Variants in COPS7B observed in about 807,000 individuals in gnomAD.
The protein encoded by COPS7B is COP9 signalosome complex subunit 7b.
In COPS7B, 9 loss-of-function variants were observed where a neutral mutation model predicts 33.4. That is an observed-to-expected ratio of 0.27 (90% CI 0.16 to 0.47). The LOEUF is 0.47. Ranked by LOEUF, COPS7B falls within the 20% of genes least tolerant of loss-of-function variation. The pLI is 0.99. For missense variants in COPS7B, 242 were observed against 318.2 expected, an observed-to-expected ratio of 0.76 and a Z score of 1.82; for synonymous variants, 119 against 126.3, an observed-to-expected ratio of 0.94 and a Z score of 0.39.
intron 3 of COPS7B, chr2:231,793,944 G>A (rs2049492343): frequency 3.3e-6 from 1 of 305,288 alleles, no homozygotes; most frequent in Non-Finnish European, 6.3e-6. Flanking sequence ...GCACACAACA[G>A]ATGCTCGATG....
intron 3 of COPS7B, chr2:231,792,134 C>A: frequency 2.0e-6 from 1 of 506,194 alleles, no homozygotes; most frequent in East Asian, 5.4e-5. Context: ...AATGTTTCAA[C>A]ATTTTAAATA....
At position 231,796,132 on chromosome 2, in the gene COPS7B, A is replaced by G. The variant is rs773422201; in HGVS notation, c.354A>G (p.Lys118=). The change falls in exon 5 of 7, where the codon AAA becomes AAG. Residue 118 remains lysine, a synonymous_variant. Coordinates refer to ENST00000350033, the MANE Select transcript of COPS7B (RefSeq NM_022730.4). Reference sequence around the variant, plus strand: ...GTATCCCCTACTCCGTGTTGCTGAAAGACCTGGAGATGCGGAATCTCCGGG... The same window carrying G: ...GTATCCCCTACTCCGTGTTGCTGAAGGACCTGGAGATGCGGAATCTCCGGG... ...MKCIPYSVLL[K]DLEMRNLREL... 5.0e-6 allele frequency: 8 copies of G among 1,614,070 alleles called. No homozygotes were observed. In the South Asian group the frequency reaches 8.8e-5, roughly 18 times the overall value.
rs1271986913 is a variant in COPS7B, at chr2:231,808,639, GA to G, written c.*996del. 1.7e-5 allele frequency: 7 copies of G among 400,662 alleles called. No individual in the cohort carries two copies. The highest frequency in any genetic ancestry group is 3.5e-5 in the Non-Finnish European group (7 of 198,746). The allele number at this position is 400,662 out of a possible 1,614,324, so 24.8% of individuals were successfully genotyped here. On this transcript the variant is annotated 3_prime_UTR_variant, in exon 7 of 7. Transcript: ENST00000350033. ...GAGAAAAAGACTTAACTAGACTTCT[GA>G]ACTTGAACAGTTTCAGGTTATATTT...
At chr2:231,785,225 C>CA (rs1268796301), upstream of COPS7B, among the ~76,000 whole-genome samples, 8 of 152,240 alleles carry the variant, frequency 5.3e-5, no homozygotes, top group African/African-American at 1.9e-4. Flanking sequence ...TCTAACAAGG[C>CA]AATTATTCAT....
chr2:231,798,731 T>G (rs532747339), intron 5 of COPS7B, 128 bp from the exon 6 acceptor site: 8 of 677,414 alleles, frequency 1.2e-5, no homozygotes, highest in Middle Eastern at 7.6e-4. Flanking sequence ...GCAAGAGATG[T>G]GGCAGAGGGA....
chr2:231,801,670 A>G (rs1011855510), intron 6 of COPS7B, among the ~76,000 whole-genome samples: 4 of 122,014 alleles, frequency 3.3e-5, no homozygotes, highest in African/African-American at 6.2e-5. Flanking sequence ...GTTTTGCTGT[A>G]TTATTCAGGC....
intron 3 of COPS7B, chr2:231,793,604 T>G (rs2049482992): frequency 6.6e-6 from 1 of 152,206 alleles, no homozygotes; most frequent in African/African-American, 2.4e-5. Context: ...CAACTCAAAC[T>G]CCATCTCTTC....
intron 6 of COPS7B, among the ~76,000 whole-genome samples, chr2:231,806,575 T>G (rs925563001): frequency 2.7e-5 from 4 of 146,326 alleles, no homozygotes; most frequent in Admixed American, 2.7e-4. Context: ...AAAAAAAGAC[T>G]AAAAAAGCTA....
chr2:231,806,186 T>C (rs1017400482), intron 6 of COPS7B, among the ~76,000 whole-genome samples: 2 of 152,178 alleles, frequency 1.3e-5, no homozygotes, highest in Non-Finnish European at 2.9e-5. Flanking sequence ...GCATTTGGAC[T>C]GTCTCTTACC....
rs373010520 is a variant in COPS7B at position 231,798,888 on chromosome 2, G to A, written c.560G>A (p.Gly187Asp). The A allele has an allele frequency of 1.9e-6, 3 of 1,614,030 alleles. No homozygotes were observed. Among genetic ancestry groups the A allele is most frequent in the African/African-American group, 2.7e-5 (2 of 74,922 alleles). ...GATGGCTGTGAAGCAGTTCTACTGG[G>A]CATCGAGCAGCAAGTTCTGAGAGCC... is the stretch of plus-strand genomic sequence containing the variant. ...WCDGCEAVLL[G>D]IEQQVLRANQ... The change falls in exon 6 of 7, where the codon GGC becomes GAC. Residue 187 changes from glycine to aspartate, a missense_variant. Gly to Asp is a moderately conservative substitution (Grantham distance 94). Transcript: ENST00000350033.
At chr2:231,804,899 C>T (rs1015261113) in intron 6 of COPS7B, among the ~76,000 whole-genome samples, 1 of 152,092 alleles carries the variant, frequency 6.6e-6, no homozygotes, top group African/African-American at 2.4e-5. Context: ...AAAGTCATGT[C>T]GTTACCTCTT....
intron 6 of COPS7B, among the ~76,000 whole-genome samples, chr2:231,800,134 C>T (rs1448221462): frequency 6.6e-6 from 1 of 152,104 alleles, no homozygotes; most frequent in Non-Finnish European, 1.5e-5. Flanking sequence ...ATCCGACTAG[C>T]CAAGGAAGTA....
upstream of COPS7B, chr2:231,781,743 A>C (rs1367427214): frequency 4.7e-6 from 6 of 1,280,824 alleles, no homozygotes; most frequent in Non-Finnish European, 6.6e-6. Context: ...GCAAATTCAC[A>C]AACCCGCCCG....
At chr2:231,785,197 A>T (rs549461838), upstream of COPS7B, among the ~76,000 whole-genome samples, 1 of 152,292 alleles carries the variant, frequency 6.6e-6, no homozygotes, top group South Asian at 2.1e-4. Flanking sequence ...CCACTCCTAT[A>T]GCACCTAGCA....
At chr2:231,791,869 C>A in intron 3 of COPS7B, 61 bp downstream of exon 3, 1 of 1,466,810 alleles carries the variant, frequency 6.8e-7, no homozygotes, top group South Asian at 1.1e-5. Context: ...TTTGGAAGAC[C>A]ATCAAGGTTT....
chr2:231,797,885 C>CT (rs2049618986), intron 5 of COPS7B, among the ~76,000 whole-genome samples: 1 of 152,104 alleles, frequency 6.6e-6, no homozygotes, highest in Non-Finnish European at 1.5e-5. Context: ...TTTAGGAAAT[C>CT]TTTTTTTGTT....
chr2:231,786,662 G>C (rs2049253819), intron 1 of COPS7B, 124 bp downstream of exon 1: 1 of 300,192 alleles, frequency 3.3e-6, no homozygotes, highest in African/African-American at 2.3e-5. Flanking sequence ...GCCTTGGGGA[G>C]CGCGTCCCGC....
At chr2:231,806,206 A>C (rs1288861209) in intron 6 of COPS7B, among the ~76,000 whole-genome samples, 1 of 152,044 alleles carries the variant, frequency 6.6e-6, no homozygotes, top group Non-Finnish European at 1.5e-5. Flanking sequence ...CCTCAAGCTC[A>C]TAATATTCTG....
Position 231,788,680 on chromosome 2 carries a change from C to T in COPS7B, c.110C>T (p.Ala37Val). The T allele has an allele frequency of 6.2e-7, 1 of 1,614,182 alleles. No individual in the cohort carries two copies. The highest frequency in any genetic ancestry group is 8.5e-7 in the Non-Finnish European group (1 of 1,180,026). The change falls in exon 2 of 7, where the codon GCT (alanine) becomes GTT (valine). Residue 37 changes from alanine (A) to valine (V), a missense_variant. Ala to Val is a moderately conservative substitution (Grantham distance 64, BLOSUM62 0). Coordinates refer to ENST00000350033, the MANE Select transcript of COPS7B (RefSeq NM_022730.4). ...LTALISQVLEAPGVYVFGELL... is the reference protein window; with the variant it reads ...LTALISQVLEVPGVYVFGELL... ...GCTCTCATAAGCCAGGTCTTAGAGG[C>T]TCCCGGAGTGTATGTCTTTGGAGAA...
Sources: allele counts gnomAD v4.1 joint callset (sites outside exome capture counted in the v4.1 genomes callset), GRCh38; gene constraint gnomAD v4.1.1; transcripts MANE v1.5; gene names NCBI Gene and HGNC (gene_info 2026-07-23, HGNC 2026-07-21).